The following OPCML variants were observed in gnomAD, a reference collection of about 807,000 sequenced individuals.
The protein encoded by OPCML is opioid binding protein/cell adhesion molecule like.
In OPCML, 13 loss-of-function variants were observed where a neutral mutation model predicts 37.8. The ratio of observed to expected loss-of-function variants is 0.34; its 90% CI spans 0.22 to 0.55. The LOEUF is 0.55. OPCML is among the 20% of genes least tolerant of loss of function. The probability of loss-of-function intolerance (pLI) is 0.91; values close to 1 mark genes in which losing one functional copy is unlikely to be tolerated. For missense variants in OPCML, 341 were observed against 435.6 expected, an observed-to-expected ratio of 0.78 and a Z score of 1.93; for synonymous variants, 176 against 168.8, an observed-to-expected ratio of 1.04 and a Z score of -0.33.
intron 1 of OPCML, among the ~76,000 whole-genome samples, chr11:133,438,175 A>G (rs1946283479): frequency 6.6e-6 from 1 of 152,196 alleles, no homozygotes; most frequent in African/African-American, 2.4e-5. Context: ...TGCCAGAGAG[A>G]GCGGTGAGAA....
rs537247983 is a variant in OPCML, at chr11:133,497,084, G to A, written c.61+35180C>T. Among the ~76,000 whole-genome samples, 9 of 152,252 alleles carry A rather than the reference G, an allele frequency of 5.9e-5. No homozygotes were observed. In the South Asian group the frequency reaches 1.5e-3, roughly 25 times the overall value. On this transcript the variant is annotated intron_variant, in intron 1 of 7. Coordinates refer to ENST00000524381, the MANE Select transcript of OPCML (RefSeq NM_001012393.5). ...CATTAAAGTGTGTCCCTTGTATGCC[G>A]ATTTTGCTGAGAGTTTTAATCATAA...
At chr11:133,145,199 T>C (rs1949880755) in intron 1 of OPCML, among the ~76,000 whole-genome samples, 1 of 152,214 alleles carries the variant, frequency 6.6e-6, no homozygotes, top group Non-Finnish European at 1.5e-5. Flanking sequence ...CTACGATTAA[T>C]GACAGTGCTA....
chr11:132,824,710 A>G (rs998708113), intron 2 of OPCML, among the ~76,000 whole-genome samples: 2 of 152,180 alleles, frequency 1.3e-5, no homozygotes, highest in East Asian at 1.9e-4. Flanking sequence ...TCCAAAAATA[A>G]GAGTATTCAC....
chr11:132,700,216 G>A (rs922667644), intron 2 of OPCML, among the ~76,000 whole-genome samples: 1 of 151,564 alleles, frequency 6.6e-6, no homozygotes, highest in African/African-American at 2.4e-5. Context: ...CTAGCTAAAG[G>A]TTAGTCACTC....
intron 2 of OPCML, among the ~76,000 whole-genome samples, chr11:132,747,518 G>GC (rs1291460276): frequency 4.8e-4 from 73 of 152,254 alleles, no homozygotes; most frequent in African/African-American, 1.7e-3. Context: ...GTGACTCCAG[G>GC]AACTGGAGGA....
At chr11:132,770,951 A>T (rs890546759) in intron 2 of OPCML, among the ~76,000 whole-genome samples, 1 of 152,158 alleles carries the variant, frequency 6.6e-6, no homozygotes, top group African/African-American at 2.4e-5. Context: ...TGACCCTTAA[A>T]TCTCTGCCTG....
chr11:133,156,353 G>A (rs1950062239), intron 1 of OPCML, among the ~76,000 whole-genome samples: 1 of 152,150 alleles, frequency 6.6e-6, no homozygotes, highest in African/African-American at 2.4e-5. Flanking sequence ...TCTCTATCTA[G>A]CCAACTCTTC....
intron 1 of OPCML, among the ~76,000 whole-genome samples, chr11:133,186,558 G>A (rs148716218): frequency 7.0e-4 from 107 of 152,106 alleles, no homozygotes; most frequent in African/African-American, 2.5e-3. Flanking sequence ...TAAGGGAGAA[G>A]GGCCTTGCTT....
chr11:132,515,748 G>T (rs2096278244), intron 4 of OPCML, among the ~76,000 whole-genome samples: 1 of 152,138 alleles, frequency 6.6e-6, no homozygotes, highest in Non-Finnish European at 1.5e-5. Context: ...TTTAAACTGG[G>T]GAGGAATGAT....
At chr11:133,525,387 T>A (rs1225982468) in intron 1 of OPCML, among the ~76,000 whole-genome samples, 25 of 152,150 alleles carry the variant, frequency 1.6e-4, no homozygotes, top group Admixed American at 1.6e-3. Context: ...CCAGAGTGAC[T>A]AAAGTCCAGA....
intron 1 of OPCML, among the ~76,000 whole-genome samples, chr11:133,002,555 C>A (rs1192808193): frequency 6.6e-6 from 1 of 152,118 alleles, no homozygotes; most frequent in African/African-American, 2.4e-5. Flanking sequence ...TGTGTGCCCA[C>A]AGGGGTAGCA....
intron 2 of OPCML, among the ~76,000 whole-genome samples, chr11:132,764,220 T>C (rs1273072661): frequency 6.6e-6 from 1 of 152,236 alleles, no homozygotes. Context: ...AGCACTAAGA[T>C]GCCTGTGGCT....
intron 1 of OPCML, among the ~76,000 whole-genome samples, chr11:132,960,187 G>C (rs918369433): frequency 6.6e-6 from 1 of 152,216 alleles, no homozygotes; most frequent in Admixed American, 6.5e-5. Context: ...AGTGACTTAC[G>C]TGCATAATCT....
intron 4 of OPCML, among the ~76,000 whole-genome samples, chr11:132,508,204 A>T (rs1235195069): frequency 6.6e-6 from 1 of 152,206 alleles, no homozygotes; most frequent in African/African-American, 2.4e-5. Context: ...AAATAAAGGG[A>T]AAACATGTCC....
chr11:133,197,164 C>T (rs1331105892), intron 1 of OPCML, among the ~76,000 whole-genome samples: 10 of 152,170 alleles, frequency 6.6e-5, no homozygotes, highest in Admixed American at 2.6e-4. Context: ...AGCAGGCAAA[C>T]AATTTTTCTC....
intron 1 of OPCML, among the ~76,000 whole-genome samples, chr11:133,255,225 A>T (rs1244020302): frequency 6.6e-6 from 1 of 152,194 alleles, no homozygotes; most frequent in Non-Finnish European, 1.5e-5. Context: ...AGTGTGAAGC[A>T]CGAAACTGGG....
chr11:133,456,724 A>T (rs945702792), intron 1 of OPCML, among the ~76,000 whole-genome samples: 13 of 151,880 alleles, frequency 8.6e-5, no homozygotes, highest in African/African-American at 3.1e-4. Flanking sequence ...AGAGACAAAA[A>T]TTATACTTTA....
intron 4 of OPCML, among the ~76,000 whole-genome samples, chr11:132,490,826 A>G (rs1192014294): frequency 2.0e-5 from 3 of 151,860 alleles, no homozygotes; most frequent in Non-Finnish European, 2.9e-5. Flanking sequence ...AAAAGAAAAA[A>G]AAAAAAAAGA....
At chr11:133,164,262 C>A (rs935288312) in intron 1 of OPCML, among the ~76,000 whole-genome samples, 38 of 152,126 alleles carry the variant, frequency 2.5e-4, no homozygotes, top group Non-Finnish European at 5.3e-4. Flanking sequence ...ACCCTCTGAG[C>A]CTTGTTTCCC....
Sources: gnomAD v4.1 joint callset for allele counts (sites outside exome capture counted in the v4.1 genomes callset) on GRCh38, gnomAD v4.1.1 for gene constraint, MANE v1.5 for transcripts, NCBI Gene and HGNC (gene_info 2026-07-23, HGNC 2026-07-21) for gene names.